The following PDSS2 variants were observed in gnomAD, a reference collection of about 807,000 sequenced individuals.
The protein encoded by PDSS2 is all trans-polyprenyl-diphosphate synthase PDSS2.
A neutral mutation model predicts 44.5 loss-of-function variants in PDSS2; 31 were observed. That is an observed-to-expected ratio of 0.70 (90% confidence interval 0.52 to 0.94). The LOEUF (loss-of-function observed/expected upper bound fraction) is 0.94. Ranked by LOEUF, PDSS2 falls within the 40% of genes least tolerant of loss-of-function variation. PDSS2 has a pLI of 0.00. For missense variants in PDSS2, 452 were observed against 482.2 expected (o/e 0.94, Z 0.59); for synonymous variants, 157 against 180.3 (o/e 0.87, Z 1.03).
At chr6:107,378,959 T>C (rs1409534361) in intron 1 of PDSS2, among the ~76,000 whole-genome samples, 1 of 152,218 alleles carries the variant, frequency 6.6e-6, no homozygotes, top group Non-Finnish European at 1.5e-5. Flanking sequence ...TGATGTTGGC[T>C]GAGGTAGTGT....
At chr6:107,260,766 C>A (rs1032110870) in intron 3 of PDSS2, among the ~76,000 whole-genome samples, 1 of 150,530 alleles carries the variant, frequency 6.6e-6, no homozygotes, top group Non-Finnish European at 1.5e-5. Flanking sequence ...CGTGTTCAAG[C>A]CATTCTCCTG....
chr6:107,338,356 G>A (rs1777971273), intron 1 of PDSS2, among the ~76,000 whole-genome samples: 1 of 152,174 alleles, frequency 6.6e-6, no homozygotes, highest in Non-Finnish European at 1.5e-5. Context: ...ACCACATCTA[G>A]GAAGGCTAGC....
chr6:107,336,018 G>T (rs1252855808), intron 1 of PDSS2, among the ~76,000 whole-genome samples: 17 of 131,196 alleles, frequency 1.3e-4, no homozygotes, highest in South Asian at 2.9e-4. Flanking sequence ...GGTGGGGGGG[G>T]TGGGGGGTGG....
At chr6:107,176,548 T>G (rs1049535131) in intron 7 of PDSS2, among the ~76,000 whole-genome samples, 2 of 152,146 alleles carry the variant, frequency 1.3e-5, no homozygotes, top group East Asian at 1.9e-4. Flanking sequence ...TGTATGGCTA[T>G]TATGCTTAGT....
At chr6:107,382,525 T>C (rs1779483999) in intron 1 of PDSS2, among the ~76,000 whole-genome samples, 1 of 152,126 alleles carries the variant, frequency 6.6e-6, no homozygotes, top group African/African-American at 2.4e-5. Flanking sequence ...CAGAATAGAT[T>C]TGAGAGTCCA....
Position 107,253,180 on chromosome 6 carries a change from C to T in PDSS2, c.631-7561G>A, listed in dbSNP as rs749904012. ...CCTCCTGAGTAGCTGGGATTACAGG[C>T]GTGCGCCACCACGCCTGGCTAATTT... On this transcript the variant is annotated intron_variant, in intron 3 of 7. Coordinates refer to ENST00000369037, the MANE Select transcript of PDSS2 (RefSeq NM_020381.4). Among the ~76,000 whole-genome samples the T allele has an allele frequency of 1.4e-4, 21 of 152,254 alleles. 1 individual carries two copies. The highest frequency in any genetic ancestry group is 3.3e-4 in the Admixed American group (5 of 15,286).
intron 6 of PDSS2, among the ~76,000 whole-genome samples, chr6:107,198,864 C>T (rs553437099): frequency 2.0e-5 from 3 of 152,106 alleles, no homozygotes; most frequent in South Asian, 2.1e-4. Context: ...GGCATGGTGG[C>T]GCGCACCTGT....
At chr6:107,456,743 A>G (rs1210581427) in intron 1 of PDSS2, among the ~76,000 whole-genome samples, 1 of 152,094 alleles carries the variant, frequency 6.6e-6, no homozygotes, top group Non-Finnish European at 1.5e-5. Flanking sequence ...GGGTTTTGCT[A>G]TGTTGCCCAG....
At chr6:107,239,320 T>C (rs1048981694) in intron 4 of PDSS2, among the ~76,000 whole-genome samples, 1 of 152,076 alleles carries the variant, frequency 6.6e-6, no homozygotes, top group African/African-American at 2.4e-5. Flanking sequence ...GGAAACAAAG[T>C]AAATGCCCCC....
intron 7 of PDSS2, among the ~76,000 whole-genome samples, chr6:107,185,276 C>T (rs111744342): frequency 5.3e-5 from 8 of 152,194 alleles, no homozygotes; most frequent in African/African-American, 1.9e-4. Flanking sequence ...AGCTCATTTA[C>T]GGCACAGTCC....
chr6:107,219,138 G>A (rs1438394833), intron 4 of PDSS2, among the ~76,000 whole-genome samples: 1 of 151,838 alleles, frequency 6.6e-6, no homozygotes, highest in Non-Finnish European at 1.5e-5. Context: ...GAACTCTATA[G>A]CATAGCATTC....
chr6:107,456,735 G>A (rs1203850429), intron 1 of PDSS2, among the ~76,000 whole-genome samples: 1 of 152,136 alleles, frequency 6.6e-6, no homozygotes, highest in Non-Finnish European at 1.5e-5. Flanking sequence ...TAGAGATAGG[G>A]TTTTGCTATG....
In PDSS2 at chr6:107,421,526, A is replaced by G. The variant is rs369085900; in HGVS notation, c.296+37464T>C. Among the ~76,000 whole-genome samples, 20 of 152,266 alleles carry G rather than the reference A, an allele frequency of 1.3e-4. 2 individuals carry two copies. The South Asian group carries it at 4.1e-3, about 32-fold the overall frequency. ...GTAAAAGGGAACAAACTACTGGCATACACAACTTAGGTGGATCACAAGGAC... is the reference window on the plus strand; with the variant it reads ...GTAAAAGGGAACAAACTACTGGCATGCACAACTTAGGTGGATCACAAGGAC... On this transcript the variant is annotated intron_variant, in intron 1 of 7. Coordinates refer to ENST00000369037, the MANE Select transcript of PDSS2 (RefSeq NM_020381.4).
intron 1 of PDSS2, among the ~76,000 whole-genome samples, chr6:107,425,361 A>G (rs1780963194): frequency 1.3e-5 from 2 of 152,192 alleles, no homozygotes; most frequent in South Asian, 4.1e-4. Context: ...GGAACTTCCT[A>G]GAGACTTGTT....
chr6:107,164,650 A>T (rs1771276256), intron 7 of PDSS2, among the ~76,000 whole-genome samples: 1 of 152,210 alleles, frequency 6.6e-6, no homozygotes, highest in Non-Finnish European at 1.5e-5. Flanking sequence ...TCTTTATAGC[A>T]GCATGATTTG....
intron 1 of PDSS2, among the ~76,000 whole-genome samples, chr6:107,335,611 TATA>T (rs1777861750): frequency 1.3e-5 from 2 of 152,232 alleles, no homozygotes; most frequent in Admixed American, 1.3e-4. Context: ...ACTGAATTTT[TATA>T]ATTTCTGCTA....
intron 2 of PDSS2, among the ~76,000 whole-genome samples, chr6:107,299,838 G>A (rs1466340210): frequency 2.6e-5 from 4 of 152,152 alleles, no homozygotes; most frequent in Non-Finnish European, 5.9e-5. Flanking sequence ...TGGAGCCACT[G>A]TCTGTTGGAC....
intron 2 of PDSS2, among the ~76,000 whole-genome samples, chr6:107,278,525 C>A (rs1775864208): frequency 6.6e-6 from 1 of 152,058 alleles, no homozygotes; most frequent in Admixed American, 6.6e-5. Flanking sequence ...AGATTATGGG[C>A]AAGTATAAAA....
Position 107,265,759 on chromosome 6 carries a change from T to C in PDSS2, c.630+8270A>G, listed in dbSNP as rs557304561. ...GAGTTCAAGACCAGGCTGCCCAACA[T>C]GGCAAAAACACATCTACTAAAAATA... is the stretch of plus-strand genomic sequence containing the variant. On this transcript the variant is annotated intron_variant, in intron 3 of 7. Coordinates refer to ENST00000369037, the MANE Select transcript of PDSS2 (RefSeq NM_020381.4). Among the ~76,000 whole-genome samples, 121 of 152,122 alleles carry C rather than the reference T, an allele frequency of 8.0e-4. 3 individuals are homozygous for C. Among genetic ancestry groups the C allele is most frequent in the Non-Finnish European group, 3.7e-4 (25 of 67,994 alleles).
Sources: allele counts gnomAD v4.1 joint callset (sites outside exome capture counted in the v4.1 genomes callset), GRCh38; gene constraint gnomAD v4.1.1; transcripts MANE v1.5; gene names NCBI Gene and HGNC (gene_info 2026-07-23, HGNC 2026-07-21).